Variants in PLD5 observed in about 807,000 individuals in gnomAD.
PLD5 encodes phospholipase D family member 5.
In PLD5, 36 loss-of-function variants were observed where a neutral mutation model predicts 61.1. The ratio of observed to expected loss-of-function variants is 0.59; its 90% CI spans 0.45 to 0.78. The LOEUF is 0.78. PLD5 is among the 30% of genes least tolerant of loss of function. The pLI is 0.00. For missense variants in PLD5, 515 were observed against 644.4 expected (o/e 0.80, Z 2.17); for synonymous variants, 243 against 242.8 (o/e 1.00, Z -0.01).
intron 5 of PLD5, among the ~76,000 whole-genome samples, chr1:242,158,797 C>T (rs79855294): frequency 0.24 from 36,945 of 151,726 alleles, 4,856 homozygotes; most frequent in South Asian, 0.35. Context: ...TTTCTTTGTC[C>T]TTTCAGTTTG....
At chr1:242,426,769 G>C (rs1665451027) in intron 1 of PLD5, among the ~76,000 whole-genome samples, 1 of 152,224 alleles carries the variant, frequency 6.6e-6, no homozygotes, top group East Asian at 1.9e-4. Flanking sequence ...TTGGGGCAGA[G>C]ACTAATTGTT....
chr1:242,448,850 A>AG (rs1222700945), intron 1 of PLD5, among the ~76,000 whole-genome samples: 1 of 152,216 alleles, frequency 6.6e-6, no homozygotes, highest in Non-Finnish European at 1.5e-5. Context: ...GAAAAAAAAA[A>AG]TCACGTGGAA....
In PLD5 at chr1:242,256,640, C is replaced by T. The variant is rs1465049863; in HGVS notation, c.607+8697G>A. 6.6e-6 allele frequency among the ~76,000 whole-genome samples: 1 copy of T among 152,128 alleles called. No homozygotes were observed. The highest frequency in any genetic ancestry group is 1.9e-4 in the East Asian group (1 of 5,192). ...TCAGCAGACACTGAACCTGCTGGTGCCTTGATCTTAAACTTCCAGACCCCA... is the reference window on the plus strand; with the variant it reads ...TCAGCAGACACTGAACCTGCTGGTGTCTTGATCTTAAACTTCCAGACCCCA... On this transcript the variant is annotated intron_variant, in intron 4 of 9. Transcript: ENST00000536534. This position sits in a 1 kb window ranked among gnomAD's most constrained non-coding sequence, Gnocchi z 5.7.
intron 6 of PLD5, among the ~76,000 whole-genome samples, chr1:242,122,816 T>C (rs1360711689): frequency 6.6e-6 from 1 of 152,236 alleles, no homozygotes; most frequent in Non-Finnish European, 1.5e-5. Context: ...TTGTTACACT[T>C]CTAAATTTTC....
chr1:242,204,385 A>T (rs1669188161), intron 5 of PLD5, among the ~76,000 whole-genome samples: 1 of 152,216 alleles, frequency 6.6e-6, no homozygotes, highest in African/African-American at 2.4e-5. Context: ...AGCATTCAAG[A>T]CCTTCCTTCA....
intron 1 of PLD5, among the ~76,000 whole-genome samples, chr1:242,403,230 G>A (rs773952166): frequency 5.9e-5 from 9 of 152,188 alleles, no homozygotes; most frequent in Non-Finnish European, 1.2e-4. Flanking sequence ...TGTCTCACCT[G>A]CTCTACAGCT....
intron 2 of PLD5, among the ~76,000 whole-genome samples, chr1:242,327,869 T>C (rs1658894262): frequency 6.6e-6 from 1 of 152,124 alleles, no homozygotes; most frequent in Non-Finnish European, 1.5e-5. Context: ...AAGCAAAGGA[T>C]TGTTTCAGCC....
chr1:242,194,421 A>T (rs981111531), intron 5 of PLD5, among the ~76,000 whole-genome samples: 1 of 152,186 alleles, frequency 6.6e-6, no homozygotes, highest in Non-Finnish European at 1.5e-5. Context: ...ACTGCTGGGT[A>T]TCTACCCAGA....
chr1:242,401,521 A>C (rs1663934069), intron 1 of PLD5, among the ~76,000 whole-genome samples: 1 of 152,108 alleles, frequency 6.6e-6, no homozygotes, highest in African/African-American at 2.4e-5. Context: ...CTGACTCTCC[A>C]AGCCCACATC....
At chr1:242,379,277 T>C (rs1225737550) in intron 1 of PLD5, among the ~76,000 whole-genome samples, 3 of 152,206 alleles carry the variant, frequency 2.0e-5, no homozygotes, top group Non-Finnish European at 2.9e-5. Flanking sequence ...TCTACTGAGC[T>C]ACCCTTCAGA....
intron 1 of PLD5, among the ~76,000 whole-genome samples, chr1:242,463,766 C>T (rs1194322624): frequency 2.5e-5 from 2 of 80,810 alleles, no homozygotes; most frequent in Non-Finnish European, 4.7e-5. Flanking sequence ...ATACCCTCTT[C>T]TATGAAAAAA....
At chr1:242,460,012 C>T (rs968182634) in intron 1 of PLD5, among the ~76,000 whole-genome samples, 2 of 152,108 alleles carry the variant, frequency 1.3e-5, no homozygotes, top group African/African-American at 2.4e-5. Flanking sequence ...TGTTTGTAAC[C>T]AGCTTTTGTT....
chr1:242,457,457 G>C (rs1395841278), intron 1 of PLD5, among the ~76,000 whole-genome samples: 1 of 152,178 alleles, frequency 6.6e-6, no homozygotes, highest in African/African-American at 2.4e-5. Flanking sequence ...AGGAAGAGAA[G>C]TATGGTGGAA....
At chr1:242,351,523 A>T (rs1366197570) in intron 1 of PLD5, among the ~76,000 whole-genome samples, 3 of 151,692 alleles carry the variant, frequency 2.0e-5, no homozygotes. Context: ...CCCTGCACAC[A>T]CTCTCTTGCC....
intron 3 of PLD5, among the ~76,000 whole-genome samples, chr1:242,279,971 T>G (rs1384605362): frequency 4.0e-5 from 6 of 151,868 alleles, no homozygotes; most frequent in Non-Finnish European, 8.8e-5. Context: ...ACATAGAGAG[T>G]CGTGTCCACT....
chr1:242,471,926 G>A (rs2102950309), intron 1 of PLD5, among the ~76,000 whole-genome samples: 1 of 152,312 alleles, frequency 6.6e-6, no homozygotes, highest in African/African-American at 2.4e-5. Context: ...TTAAGTCAGT[G>A]AAGTGATAGA....
At chr1:242,465,985 T>C (rs1667266687) in intron 1 of PLD5, among the ~76,000 whole-genome samples, 1 of 152,170 alleles carries the variant, frequency 6.6e-6, no homozygotes, top group Admixed American at 6.5e-5. Flanking sequence ...TCAGATGCTC[T>C]TCCTCTGGAA....
At chr1:242,452,735 G>A (rs375701465) in intron 1 of PLD5, among the ~76,000 whole-genome samples, 2 of 152,136 alleles carry the variant, frequency 1.3e-5, no homozygotes, top group African/African-American at 4.8e-5. Context: ...CAGATGGCTT[G>A]AGCCCAGGAG....
chr1:242,118,754 G>A (rs1356497776), intron 6 of PLD5, among the ~76,000 whole-genome samples: 1 of 152,136 alleles, frequency 6.6e-6, no homozygotes, highest in Non-Finnish European at 1.5e-5. Flanking sequence ...TGAAGGAAAT[G>A]CATAATTATT....
Sources: gnomAD v4.1 joint callset for allele counts (sites outside exome capture counted in the v4.1 genomes callset) on GRCh38, gnomAD v4.1.1 for gene constraint, Gnocchi (gnomAD v3.1) non-coding constraint, MANE v1.5 for transcripts, NCBI Gene and HGNC (gene_info 2026-07-23, HGNC 2026-07-21) for gene names.